Variants in KAT6B observed in about 807,000 individuals in gnomAD.
KAT6B encodes the protein histone acetyltransferase KAT6B.
Under a neutral mutation model 187.5 loss-of-function variants are expected in KAT6B, and 10 were observed. That is an observed-to-expected ratio of 0.05 (90% CI 0.03 to 0.09). The LOEUF (loss-of-function observed/expected upper bound fraction) is 0.09. Among genes scored for constraint, KAT6B ranks in the 10% least tolerant of loss-of-function variants. The pLI is 1.00. For synonymous variants in KAT6B, 861 were observed against 926.8 expected (o/e 0.93, Z 1.29); for missense variants, 1,952 against 2,558.9 (o/e 0.76, Z 5.12).
chr10:74,963,539 A>C (rs1156756250), intron 4 of KAT6B, among the ~76,000 whole-genome samples: 1 of 152,142 alleles, frequency 6.6e-6, no homozygotes, highest in Non-Finnish European at 1.5e-5. Flanking sequence ...AGGGAGCAAG[A>C]GCCGTGGAGT....
chr10:75,025,357 C>A, intron 17 of KAT6B, 108 bp downstream of exon 17: 1 of 1,082,340 alleles, frequency 9.2e-7, no homozygotes, highest in Non-Finnish European at 1.4e-6. Flanking sequence ...CGAAGTGGTG[C>A]TGATGCACCT....
chr10:74,947,786 G>C (rs1013086141), intron 3 of KAT6B, among the ~76,000 whole-genome samples: 1 of 152,200 alleles, frequency 6.6e-6, no homozygotes, highest in Admixed American at 6.5e-5. Flanking sequence ...GGAAGGCCTT[G>C]TCATGCCTGG....
rs10550175 is a variant in KAT6B at position 74,921,108 on chromosome 10, ATTTTTTTTT to A, written c.622-38847_622-38839del. Reference sequence around the variant, plus strand: ...ATGTGTATGGGTCACTGTAGTCTAAATTTTTTTTTTTTTTTTTTTTTTTGAGATGGAGTT... The same window carrying A: ...ATGTGTATGGGTCACTGTAGTCTAAATTTTTTTTTTTTTTGAGATGGAGTT... On this transcript the variant is annotated intron_variant, in intron 3 of 17. Transcript: ENST00000287239. Among the ~76,000 whole-genome samples, 36 of 109,508 alleles carry A rather than the reference ATTTTTTTTT, an allele frequency of 3.3e-4. 1 individual carries two copies. The highest frequency in any genetic ancestry group is 5.1e-3 in the Middle Eastern group (1 of 196). The allele number at this position is 109,508 out of a possible 152,430, so 71.8% of individuals were successfully genotyped here.
At chr10:74,934,356 C>A (rs1468380301) in intron 3 of KAT6B, among the ~76,000 whole-genome samples, 1 of 152,042 alleles carries the variant, frequency 6.6e-6, no homozygotes, top group Non-Finnish European at 1.5e-5. Context: ...TTTTTTCTCT[C>A]AACATACAGA....
chr10:74,949,238 G>T (rs1199545783), intron 3 of KAT6B, among the ~76,000 whole-genome samples: 1 of 152,172 alleles, frequency 6.6e-6, no homozygotes, highest in African/African-American at 2.4e-5. Context: ...TGTTGAATCA[G>T]ACTTTGGTCC....
At chr10:74,971,670 T>C (rs1428476335) in intron 6 of KAT6B, among the ~76,000 whole-genome samples, 1 of 152,130 alleles carries the variant, frequency 6.6e-6, no homozygotes, top group African/African-American at 2.4e-5. Context: ...AGCTCTTTTT[T>C]TGTGTGTAGT....
At chr10:74,941,466 T>C (rs954393704) in intron 3 of KAT6B, among the ~76,000 whole-genome samples, 1 of 152,048 alleles carries the variant, frequency 6.6e-6, no homozygotes, top group Non-Finnish European at 1.5e-5. Flanking sequence ...AAAGACAAAT[T>C]ATCAGTAACA....
chr10:74,984,486 T>C (rs761465367), intron 11 of KAT6B: 1 of 154,782 alleles, frequency 6.5e-6, no homozygotes, highest in South Asian at 2.0e-4. Context: ...ATAGTGCTTA[T>C]TGTAGGTTGA....
intron 3 of KAT6B, among the ~76,000 whole-genome samples, chr10:74,897,104 T>A (rs1846046742): frequency 6.6e-6 from 1 of 152,196 alleles, no homozygotes; most frequent in Non-Finnish European, 1.5e-5. Context: ...GGGATTCTAT[T>A]TTCTGTTAAA....
chr10:74,901,820 A>G (rs971670684), intron 3 of KAT6B, among the ~76,000 whole-genome samples: 1 of 152,222 alleles, frequency 6.6e-6, no homozygotes, highest in Admixed American at 6.5e-5. Flanking sequence ...CTTTTAGAAG[A>G]TCTTTAAAAA....
rs759909977 is a variant in KAT6B, at chr10:75,030,953, C to T, written c.6129C>T (p.His2043=). ...YAQQPMQTPP[H]GNMMYTAPGH... ...AGCAGCCAATGCAGACCCCACCCCA[C>T]GGTAACATGATGTACACGGCCCCCG... Residue 2043 remains histidine (H), a synonymous_variant, in exon 18 of 18, where the codon CAC becomes CAT. Transcript: ENST00000287239. The surrounding 1 kb of genome is among the most constrained non-coding windows in gnomAD (Gnocchi z 4.8). The T allele has an allele frequency of 1.1e-5, 18 of 1,614,058 alleles. No homozygotes were observed. The highest frequency in any genetic ancestry group is 1.6e-4 in the Middle Eastern group (1 of 6,084).
At position 74,997,128 on chromosome 10, in the gene KAT6B, G is replaced by A. The variant is rs187879542; in HGVS notation, c.2629+8016G>A. ...TGTAATCCCAGCACTCTGGCAGGCC[G>A]AGACAGGAGACTCACTTGAGCCCAG... On this transcript the variant is annotated intron_variant, in intron 13 of 17. Coordinates refer to ENST00000287239, the MANE Select transcript of KAT6B (RefSeq NM_012330.4). Among the ~76,000 whole-genome samples the A allele has an allele frequency of 1.8e-4, 28 of 151,998 alleles. No individual in the cohort carries two copies. In the South Asian group the frequency reaches 1.9e-3, roughly 10 times the overall value.
intron 6 of KAT6B, among the ~76,000 whole-genome samples, 186 bp from the exon 7 acceptor site, chr10:74,972,321 C>T (rs952983375): frequency 6.6e-6 from 1 of 152,110 alleles, no homozygotes; most frequent in Non-Finnish European, 1.5e-5. Context: ...TCACCACCTT[C>T]ACTCCAGGGA....
chr10:75,011,573 C>T (rs1400079335), intron 13 of KAT6B, among the ~76,000 whole-genome samples: 1 of 152,144 alleles, frequency 6.6e-6, no homozygotes, highest in Non-Finnish European at 1.5e-5. Flanking sequence ...CTTGCCTTCC[C>T]CAATTTTAGT....
chr10:74,899,566 C>T (rs755407616), intron 3 of KAT6B, among the ~76,000 whole-genome samples: 6 of 152,222 alleles, frequency 3.9e-5, no homozygotes, highest in East Asian at 3.9e-4. Flanking sequence ...TGAGCCACCG[C>T]GCCCGACCTC....
chr10:74,875,166 A>C (rs530088309), intron 3 of KAT6B, among the ~76,000 whole-genome samples: 14 of 152,336 alleles, frequency 9.2e-5, no homozygotes, highest in African/African-American at 3.1e-4. Context: ...ATGTTGGATA[A>C]ATTAAATTAG....
intron 3 of KAT6B, among the ~76,000 whole-genome samples, chr10:74,926,220 G>A (rs892344297): frequency 2.0e-5 from 3 of 152,224 alleles, no homozygotes; most frequent in Admixed American, 2.0e-4. Context: ...TTGGGAAGCC[G>A]AGGCGGGCAG....
chr10:74,936,149 T>C (rs1349304450), intron 3 of KAT6B, among the ~76,000 whole-genome samples: 5 of 152,134 alleles, frequency 3.3e-5, no homozygotes, highest in Admixed American at 2.0e-4. Flanking sequence ...TTCCCTGTAA[T>C]CCCAGCACTT....
intron 13 of KAT6B, among the ~76,000 whole-genome samples, chr10:75,014,340 GA>G (rs773083244): frequency 3.6e-4 from 55 of 152,240 alleles, no homozygotes; most frequent in Middle Eastern, 6.8e-3. Context: ...ACAAAATAAA[GA>G]GAGAAAGAGA....
Sources: allele counts gnomAD v4.1 joint callset (sites outside exome capture counted in the v4.1 genomes callset), GRCh38; gene constraint gnomAD v4.1.1; non-coding constraint Gnocchi (gnomAD v3.1); transcripts MANE v1.5; gene names NCBI Gene and HGNC (gene_info 2026-07-23, HGNC 2026-07-21).